ATP9A: variants seen among roughly 807,000 people sequenced by gnomAD.
ATP9A encodes ATPase phospholipid transporting 9A.
Under a neutral mutation model 144.1 loss-of-function variants are expected in ATP9A, and 52 were observed. The observed-to-expected ratio is 0.36, with a 90% confidence interval of 0.29 to 0.45. ATP9A has a LOEUF of 0.45. Among genes scored for constraint, ATP9A ranks in the 20% least tolerant of loss-of-function variants. The pLI, the probability that ATP9A is intolerant of heterozygous loss-of-function variation, is 1.00. For missense variants in ATP9A, 947 were observed against 1,392.7 expected, an observed-to-expected ratio of 0.68 and a Z score of 5.09; for synonymous variants, 582 against 557.4, an observed-to-expected ratio of 1.04 and a Z score of -0.62.
intron 13 of ATP9A, among the ~76,000 whole-genome samples, chr20:51,662,817 T>A (rs1239278420): frequency 6.6e-6 from 1 of 152,066 alleles, no homozygotes; most frequent in Non-Finnish European, 1.5e-5. Flanking sequence ...ACACCTGTAA[T>A]CCCAGCACTT....
At chr20:51,670,797 C>G (rs1056145149) in intron 12 of ATP9A, among the ~76,000 whole-genome samples, 2 of 152,298 alleles carry the variant, frequency 1.3e-5, no homozygotes, top group South Asian at 4.1e-4. Context: ...GGCTACTATG[C>G]GCCCGTGACA....
intron 27 of ATP9A, among the ~76,000 whole-genome samples, chr20:51,604,289 G>A (rs1419021951): frequency 6.6e-6 from 1 of 152,148 alleles, no homozygotes; most frequent in Non-Finnish European, 1.5e-5. Flanking sequence ...GTGCTCCCAC[G>A]TCTACGGAAC....
At chr20:51,652,660 T>C (rs1016833041) in intron 14 of ATP9A, among the ~76,000 whole-genome samples, 1 of 152,188 alleles carries the variant, frequency 6.6e-6, no homozygotes, top group Non-Finnish European at 1.5e-5. Flanking sequence ...GCCTCTGAAG[T>C]AGTTTTTAGA....
intron 1 of ATP9A, among the ~76,000 whole-genome samples, chr20:51,748,908 T>G (rs1568846508): frequency 1.8e-5 from 2 of 109,200 alleles, no homozygotes; most frequent in African/African-American, 6.7e-5. Flanking sequence ...CTCTAAAGAT[T>G]AGATAGATAG....
At chr20:51,644,911 C>CG (rs2077336059) in intron 14 of ATP9A, among the ~76,000 whole-genome samples, 1 of 152,150 alleles carries the variant, frequency 6.6e-6, no homozygotes, top group Non-Finnish European at 1.5e-5. Flanking sequence ...CCCCAAAAGC[C>CG]TGCTTTTAAC....
rs371684890 is a variant in ATP9A, at chr20:51,671,181, C to G, written c.1114G>C (p.Val372Leu). 6.2e-7 allele frequency: 1 copy of G among 1,614,122 alleles called. No homozygotes were observed. Among genetic ancestry groups the G allele is most frequent in the Non-Finnish European group, 8.5e-7 (1 of 1,179,998 alleles). Residue 372 changes from valine to leucine, a missense_variant, in exon 12 of 28, where the codon GTG becomes CTG. Physicochemically the swap from Val to Leu is conservative, Grantham distance 32. Coordinates refer to ENST00000338821, the MANE Select transcript of ATP9A (RefSeq NM_006045.3). ...IRRDSKIPGT[V>L]VRSSTIPEQL... ...TCAGGAATCGTGCTGGAGCGAACCA[C>G]GGTCCCGGGGATTTTCGAGTCCCTT...
At chr20:51,763,433 C>G (rs954500224) in intron 1 of ATP9A, among the ~76,000 whole-genome samples, 1 of 151,838 alleles carries the variant, frequency 6.6e-6, no homozygotes, top group Non-Finnish European at 1.5e-5. Context: ...CTGCCTCAGC[C>G]TCCTGAGTAG....
At position 51,642,726 on chromosome 20, in the gene ATP9A, CAAAAAAAAAAAAAAAAAAA is replaced by C. The variant is rs778440862; in HGVS notation, c.1507-3241_1507-3223del. Among the ~76,000 whole-genome samples the C allele has an allele frequency of 5.1e-4, 16 of 31,152 alleles. No individual in the cohort carries two copies. The East Asian group carries it at 8.2e-3, about 16-fold the overall frequency. The allele number at this position is 31,152 out of a possible 152,430, so 20.4% of individuals were successfully genotyped here. On this transcript the variant is annotated intron_variant, in intron 14 of 27. Transcript: ENST00000338821. The stretch of plus-strand genomic sequence containing the variant: ...GGGTGACTGAGTGAGACTCTGTCTC[CAAAAAAAAAAAAAAAAAAA>C]AAAAAAAAAAAAAAAAAAACCTGGC...
chr20:51,749,191 C>G (rs2077821193), intron 1 of ATP9A, among the ~76,000 whole-genome samples: 1 of 151,892 alleles, frequency 6.6e-6, no homozygotes, highest in Non-Finnish European at 1.5e-5. Context: ...CCCCACATCT[C>G]AAATAAGTAA....
rs117297352 is a variant in ATP9A, at chr20:51,628,314, C to T, written c.1762-631G>A. Among the ~76,000 whole-genome samples the T allele has an allele frequency of 6.4e-3, 975 of 152,260 alleles. 6 individuals carry two copies. Among genetic ancestry groups the T allele is most frequent in the Non-Finnish European group, 8.4e-3 (572 of 68,018 alleles). On this transcript the variant is annotated intron_variant, in intron 16 of 27. Coordinates refer to ENST00000338821, the MANE Select transcript of ATP9A (RefSeq NM_006045.3). The stretch of plus-strand genomic sequence containing the variant: ...CCTCCTGCTGCTGGCCAACTGTCCA[C>T]GTCACAAACTGGGTTGTGCAGCCTC...
chr20:51,713,222 G>A (rs996147556), intron 3 of ATP9A, 148 bp from the exon 4 acceptor site: 3 of 674,792 alleles, frequency 4.4e-6, no homozygotes, highest in African/African-American at 1.8e-5. Flanking sequence ...AAATGCACAC[G>A]CCGCTGCAAG....
intron 15 of ATP9A, among the ~76,000 whole-genome samples, chr20:51,636,303 C>T (rs2077292079): frequency 6.6e-6 from 1 of 152,098 alleles, no homozygotes; most frequent in East Asian, 1.9e-4. Context: ...ACACTACTCA[C>T]AATGGCACAC....
intron 11 of ATP9A, among the ~76,000 whole-genome samples, chr20:51,672,098 C>A (rs2077458662): frequency 6.6e-6 from 1 of 152,140 alleles, no homozygotes; most frequent in Non-Finnish European, 1.5e-5. Context: ...CCACGCCTGG[C>A]CGGAATTTAA....
intron 1 of ATP9A, among the ~76,000 whole-genome samples, chr20:51,746,593 AT>A (rs1428033267): frequency 2.0e-5 from 3 of 152,194 alleles, no homozygotes; most frequent in African/African-American, 7.2e-5. Flanking sequence ...TAATCCCAAC[AT>A]TTTGGGAGGC....
chr20:51,636,948 G>A (rs1390973223), intron 15 of ATP9A, among the ~76,000 whole-genome samples: 8 of 152,106 alleles, frequency 5.3e-5, no homozygotes, highest in Non-Finnish European at 7.4e-5. Flanking sequence ...AAAATTAGCC[G>A]GGCATGGTGG....
rs537462663 is a variant in ATP9A at position 51,597,286 on chromosome 20, T to C, written c.*3925A>G. 7.9e-5 allele frequency: 12 copies of C among 152,236 alleles called. No homozygotes were observed. Among genetic ancestry groups the C allele is most frequent in the African/African-American group, 2.6e-4 (11 of 41,558 alleles). 9.4% of individuals were successfully genotyped at this position (152,236 alleles called of 1,614,324 possible). Reference sequence around the variant, plus strand: ...CTCACGCTGCAGGATGCTTTGCAGGTTCATTCAAAACCAAATTTTTTTCCA... The same window carrying C: ...CTCACGCTGCAGGATGCTTTGCAGGCTCATTCAAAACCAAATTTTTTTCCA... On this transcript the variant is annotated 3_prime_UTR_variant, in exon 28 of 28. Transcript: ENST00000338821.
At chr20:51,687,328 C>G (rs1405503862) in intron 9 of ATP9A, among the ~76,000 whole-genome samples, 1 of 152,142 alleles carries the variant, frequency 6.6e-6, no homozygotes, top group Non-Finnish European at 1.5e-5. Context: ...GAAAAAACCT[C>G]AAGGGAGAGT....
chr20:51,658,888 C>CGGTGGGGCGGGG (rs746874247), intron 13 of ATP9A, among the ~76,000 whole-genome samples: 1 of 54,852 alleles, frequency 1.8e-5, no homozygotes. Flanking sequence ...AGACCACTGG[C>CGGTGGGGCGGGG]GGGGGGGGGG....
intron 13 of ATP9A, among the ~76,000 whole-genome samples, chr20:51,663,795 G>GAAAA (rs56793951): frequency 5.2e-5 from 6 of 114,838 alleles, no homozygotes; most frequent in South Asian, 2.9e-4. Context: ...CTCCGTCTCA[G>GAAAA]AAAAAAAAAA....
Sources: allele counts gnomAD v4.1 joint callset (sites outside exome capture counted in the v4.1 genomes callset), GRCh38; gene constraint gnomAD v4.1.1; transcripts MANE v1.5; gene names NCBI Gene and HGNC (gene_info 2026-07-23, HGNC 2026-07-21).